The following VPS35L variants were observed in gnomAD, a reference collection of about 807,000 sequenced individuals.
The protein encoded by VPS35L is VPS35 endosomal protein sorting factor like, also known as VPS35 endosomal protein-sorting factor-like.
In VPS35L, 83 loss-of-function variants were observed where a neutral mutation model predicts 133.0. The ratio of observed to expected loss-of-function variants is 0.62; its 90% CI spans 0.52 to 0.75. VPS35L has a LOEUF of 0.75. Ranked by LOEUF, VPS35L falls within the 30% of genes least tolerant of loss-of-function variation. The pLI, the probability that VPS35L is intolerant of heterozygous loss-of-function variation, is 0.00. For missense variants in VPS35L, 1,083 were observed against 1,206.8 expected, an observed-to-expected ratio of 0.90 and a Z score of 1.52; for synonymous variants, 423 against 449.9, an observed-to-expected ratio of 0.94 and a Z score of 0.76.
chr16:19,654,259 A>G (rs1042339537), intron 26 of VPS35L, among the ~76,000 whole-genome samples: 18 of 151,930 alleles, frequency 1.2e-4, no homozygotes, highest in Admixed American at 7.9e-4. Context: ...CATCAACCTC[A>G]TTATCATTGT....
intron 26 of VPS35L, among the ~76,000 whole-genome samples, chr16:19,656,544 C>G (rs1974309002): frequency 1.3e-5 from 2 of 151,552 alleles, no homozygotes; most frequent in South Asian, 4.2e-4. Context: ...ACTCTGCCAC[C>G]TACAAGCCAG....
Position 19,569,907 on chromosome 16 carries a change from G to A in VPS35L, c.285+316G>A, listed in dbSNP as rs531794552. Among the ~76,000 whole-genome samples the A allele has an allele frequency of 2.6e-5, 4 of 152,176 alleles. 1 individual carries two copies. Among genetic ancestry groups the A allele is most frequent in the East Asian group, 3.9e-4 (2 of 5,172 alleles). ...TGGTCTTGTACTCCAAGCCTCAAGC[G>A]ATCCTCCCACCTGAGCCTCCTAAAG... On this transcript the variant is annotated intron_variant, in intron 3 of 30. Transcript: ENST00000417362.
chr16:19,697,872 C>T (rs1243924317), intron 29 of VPS35L, among the ~76,000 whole-genome samples: 2 of 152,210 alleles, frequency 1.3e-5, no homozygotes, highest in Non-Finnish European at 2.9e-5. Flanking sequence ...AGAGCTGGAG[C>T]TCGGACTCCC....
intron 24 of VPS35L, among the ~76,000 whole-genome samples, chr16:19,648,961 A>G (rs1159258866): frequency 1.3e-5 from 2 of 151,352 alleles, no homozygotes; most frequent in African/African-American, 4.8e-5. Flanking sequence ...GAAAGTATAT[A>G]TATAAATTGA....
intron 27 of VPS35L, among the ~76,000 whole-genome samples, chr16:19,672,938 G>A (rs1446200304): frequency 6.6e-6 from 1 of 152,200 alleles, no homozygotes; most frequent in Non-Finnish European, 1.5e-5. Flanking sequence ...TTCAGCATCT[G>A]CAGGTTAAAA....
chr16:19,656,962 GT>G (rs1180404849), intron 26 of VPS35L, among the ~76,000 whole-genome samples: 8,232 of 109,424 alleles, frequency 0.075, 388 homozygotes, highest in African/African-American at 0.23. Flanking sequence ...AAAAGAACTT[GT>G]TTTTTTTTTT....
intron 12 of VPS35L, among the ~76,000 whole-genome samples, chr16:19,615,324 GTCTT>G (rs1972849515): frequency 6.6e-6 from 1 of 152,138 alleles, no homozygotes; most frequent in Non-Finnish European, 1.5e-5. Flanking sequence ...AGCTTCTGTG[GTCTT>G]TCTTATAAAA....
At chr16:19,668,431 C>T (rs1191836802) in intron 26 of VPS35L, among the ~76,000 whole-genome samples, 1 of 152,126 alleles carries the variant, frequency 6.6e-6, no homozygotes, top group South Asian at 2.1e-4. Context: ...CCTTCCACCC[C>T]GTCTCCTGTT....
rs975835202 is a variant in VPS35L at position 19,633,068 on chromosome 16, G to A, written c.1555-24G>A. On this transcript the variant is annotated intron_variant, in intron 18 of 30. Transcript: ENST00000417362. This position sits in a 1 kb window ranked among gnomAD's most constrained non-coding sequence, Gnocchi z 4.1. ...AGTTGCCATACAGTGTCTAATTCAG[G>A]TTTGGTTCCTTTTTCCTGCTTAGAA... 3 of 1,608,940 alleles carry A rather than the reference G, an allele frequency of 1.9e-6. No individual in the cohort carries two copies. The highest frequency in any genetic ancestry group is 2.2e-5 in the South Asian group (2 of 90,954).
chr16:19,570,890 T>TATATATATATATATATA (rs1971361160), intron 3 of VPS35L, among the ~76,000 whole-genome samples: 1 of 113,726 alleles, frequency 8.8e-6, no homozygotes, highest in Non-Finnish European at 1.7e-5. Context: ...TATATATATA[T>TATATATATATATATATA]TTTTGAGATG....
At chr16:19,675,683 G>A (rs1003308327) in intron 27 of VPS35L, among the ~76,000 whole-genome samples, 3 of 151,952 alleles carry the variant, frequency 2.0e-5, no homozygotes, top group Admixed American at 2.0e-4. Flanking sequence ...CCGAGTAGCT[G>A]GAATTACAGG....
chr16:19,591,438 G>A (rs1156337988), intron 7 of VPS35L, among the ~76,000 whole-genome samples: 1 of 152,124 alleles, frequency 6.6e-6, no homozygotes, highest in South Asian at 2.1e-4. Flanking sequence ...GTTATGGGCC[G>A]GGTGCGGTGG....
At chr16:19,585,397 T>C (rs1971830040) in intron 7 of VPS35L, among the ~76,000 whole-genome samples, 1 of 148,742 alleles carries the variant, frequency 6.7e-6, no homozygotes, top group African/African-American at 2.5e-5. Context: ...TTCTTCTGTT[T>C]TCTTTTTTCT....
In VPS35L at chr16:19,682,040, C is replaced by T. The variant is rs537155585; in HGVS notation, c.2362-185C>T. ...GGAGCGTGTTGATTCGTGGGAATCA[C>T]GTTTTGTCATTTTCCTCTGTATTGT... On this transcript the variant is annotated intron_variant, in intron 27 of 30. Transcript: ENST00000417362. Among the ~76,000 whole-genome samples the T allele has an allele frequency of 2.6e-5, 4 of 152,272 alleles. No individual in the cohort carries two copies. In the South Asian group the frequency reaches 8.3e-4, roughly 32 times the overall value.
intron 19 of VPS35L, 132 bp from the exon 20 acceptor site, chr16:19,637,462 A>T: frequency 1.7e-6 from 1 of 592,188 alleles, no homozygotes; most frequent in Non-Finnish European, 2.8e-6. Flanking sequence ...TATTGTAGTA[A>T]TAATTGCAAA....
intron 8 of VPS35L, among the ~76,000 whole-genome samples, chr16:19,595,509 G>A (rs1266445870): frequency 6.6e-6 from 1 of 152,108 alleles, no homozygotes; most frequent in Non-Finnish European, 1.5e-5. Context: ...CATTCCTCCC[G>A]TGAATTAACC....
At chr16:19,581,425 T>G in intron 6 of VPS35L, 100 bp from the exon 7 acceptor site, 1 of 1,322,754 alleles carries the variant, frequency 7.6e-7, no homozygotes, top group South Asian at 2.3e-5. Context: ...TGAGGAAAAT[T>G]TAGAGACCAA....
chr16:19,571,342 G>A (rs113352816), intron 3 of VPS35L, among the ~76,000 whole-genome samples: 4 of 151,534 alleles, frequency 2.6e-5, no homozygotes, highest in Admixed American at 2.0e-4. Flanking sequence ...TCAGCCTCTC[G>A]AGCAGCTGGG....
Position 19,637,612 on chromosome 16 carries a change from A to G in VPS35L, c.1654A>G (p.Lys552Glu). Residue 552 changes from lysine (K) to glutamate (E), a missense_variant, in exon 20 of 31, where the codon AAA becomes GAA. Coordinates refer to ENST00000417362, the MANE Select transcript of VPS35L (RefSeq NM_020314.7). ...SYPQLQLIIKKVIAHFHDFSV... is the reference protein window; with the variant it reads ...SYPQLQLIIKEVIAHFHDFSV... Reference sequence around the variant, plus strand: ...TTTACAGCTTCAGTTAATAATTAAGAAAGTTATTGCCCACTTCCATGACTT... The same window carrying G: ...TTTACAGCTTCAGTTAATAATTAAGGAAGTTATTGCCCACTTCCATGACTT... The G allele has an allele frequency of 6.4e-7, 1 of 1,565,310 alleles. No individual in the cohort carries two copies. The highest frequency in any genetic ancestry group is 1.2e-5 in the South Asian group (1 of 82,476).
Sources: allele counts gnomAD v4.1 joint callset (sites outside exome capture counted in the v4.1 genomes callset), GRCh38; gene constraint gnomAD v4.1.1; non-coding constraint Gnocchi (gnomAD v3.1); transcripts MANE v1.5; gene names NCBI Gene and HGNC (gene_info 2026-07-23, HGNC 2026-07-21).